Variants in EDARADD observed in about 807,000 individuals in gnomAD.
EDARADD encodes ectodysplasin-A receptor-associated adapter protein.
A neutral mutation model predicts 25.6 loss-of-function variants in EDARADD; 20 were observed. The ratio of observed to expected loss-of-function variants is 0.78; its 90% CI spans 0.55 to 1.14. The LOEUF (loss-of-function observed/expected upper bound fraction) is 1.14, where lower values mean the gene tolerates loss of function less well. EDARADD is among the 50% of genes most tolerant of loss of function. EDARADD has a pLI of 0.00. For missense variants in EDARADD, 225 were observed against 270.1 expected (o/e 0.83, Z 1.17); for synonymous variants, 86 against 94.4 (o/e 0.91, Z 0.52).
Position 236,414,985 on chromosome 1 carries a change from T to C in EDARADD, c.160+686T>C, listed in dbSNP as rs368339004. 9.2e-5 allele frequency among the ~76,000 whole-genome samples: 14 copies of C among 152,286 alleles called. No individual in the cohort carries two copies. The East Asian group carries it at 1.9e-3, about 21-fold the overall frequency. ...CATCTCATGGCTCTGTCTTCTTCCA[T>C]GTTGGCTCCATTCTTGGGCAGGATT... On this transcript the variant is annotated intron_variant, in intron 3 of 5. Transcript: ENST00000334232.
intron 3 of EDARADD, 96 bp downstream of exon 3, chr1:236,414,395 A>G (rs552212415): frequency 1.7e-4 from 161 of 966,866 alleles, no homozygotes; most frequent in Non-Finnish European, 2.6e-4. Flanking sequence ...TAAAATTGTA[A>G]AGTAGAAACA....
chr1:236,366,601 C>T (rs1156762751), intron 3 of EDARADD, among the ~76,000 whole-genome samples: 2 of 152,204 alleles, frequency 1.3e-5, no homozygotes, highest in Non-Finnish European at 2.9e-5. Context: ...TGAACACTAA[C>T]TGCTTCGGTC....
chr1:236,417,805 TTACACTTAAA>T (rs1035982109), intron 3 of EDARADD, among the ~76,000 whole-genome samples: 3 of 152,058 alleles, frequency 2.0e-5, no homozygotes, highest in African/African-American at 4.8e-5. Context: ...TGGAAGAAAA[TTACACTTAAA>T]TACACGAATC....
intron 5 of EDARADD, among the ~76,000 whole-genome samples, chr1:236,475,652 T>C (rs1659481459): frequency 6.6e-6 from 1 of 151,586 alleles, no homozygotes; most frequent in Admixed American, 6.6e-5. Context: ...TAATCTCAGC[T>C]ACTCGGGAGG....
chr1:236,357,941 C>T (rs973959101), intron 3 of EDARADD, among the ~76,000 whole-genome samples: 4 of 151,714 alleles, frequency 2.6e-5, no homozygotes, highest in African/African-American at 7.3e-5. Flanking sequence ...GGCATGACCT[C>T]GGCTCACTGC....
intron 4 of EDARADD, among the ~76,000 whole-genome samples, chr1:236,445,121 G>C (rs1478188540): frequency 1.3e-5 from 2 of 150,914 alleles, no homozygotes; most frequent in Non-Finnish European, 2.9e-5. Context: ...GACTGTTTCA[G>C]ATTTTCTACA....
chr1:236,405,775 TTCTTTCTTTCTTTCTTTTCTTTTTC>T (rs1247509202), intron 1 of EDARADD, among the ~76,000 whole-genome samples: 4 of 56,730 alleles, frequency 7.1e-5, no homozygotes, highest in South Asian at 6.2e-4. Flanking sequence ...CTTTCTTTCT[TTCTTTCTTTCTTTCTTTTCTTTTTC>T]TTTCTTTCTT....
At chr1:236,360,566 G>T (rs542855108) in intron 3 of EDARADD, among the ~76,000 whole-genome samples, 48 of 119,608 alleles carry the variant, frequency 4.0e-4, no homozygotes, top group Non-Finnish European at 5.9e-4. Context: ...TTTTTTTTGA[G>T]ACAGAGTCTT....
At chr1:236,461,244 A>G (rs1410168083) in intron 4 of EDARADD, among the ~76,000 whole-genome samples, 1 of 152,246 alleles carries the variant, frequency 6.6e-6, no homozygotes, top group Non-Finnish European at 1.5e-5. Context: ...CAGAGAGATC[A>G]AACTTTAGCA....
chr1:236,446,876 G>A (rs1426148381), intron 4 of EDARADD, among the ~76,000 whole-genome samples: 2 of 152,178 alleles, frequency 1.3e-5, no homozygotes, highest in Non-Finnish European at 2.9e-5. Context: ...AAGTGTGCAC[G>A]CACTGTAACG....
chr1:236,367,557 G>A (rs1444813410), intron 3 of EDARADD, among the ~76,000 whole-genome samples: 1 of 152,066 alleles, frequency 6.6e-6, no homozygotes, highest in East Asian at 1.9e-4. Context: ...TAGAGACGAG[G>A]TCTCACTATG....
chr1:236,379,492 G>A (rs755065609), intron 3 of EDARADD, among the ~76,000 whole-genome samples: 9 of 151,550 alleles, frequency 5.9e-5, no homozygotes, highest in Non-Finnish European at 1.0e-4. Context: ...AAAATTCAGG[G>A]TCAGGGCCAG....
intron 4 of EDARADD, among the ~76,000 whole-genome samples, chr1:236,456,428 A>G (rs1376178080): frequency 6.6e-6 from 1 of 152,204 alleles, no homozygotes; most frequent in Non-Finnish European, 1.5e-5. Flanking sequence ...GGTGCCTTAA[A>G]AGCCATAGAA....
At chr1:236,477,054 CA>C (rs61477663) in intron 5 of EDARADD, among the ~76,000 whole-genome samples, 360 of 113,658 alleles carry the variant, frequency 3.2e-3, no homozygotes, top group South Asian at 4.9e-3. Context: ...TGCCCATAAG[CA>C]AAAAAAAAAA....
intron 5 of EDARADD, among the ~76,000 whole-genome samples, chr1:236,473,934 A>G (rs1356512880): frequency 1.3e-5 from 2 of 152,038 alleles, no homozygotes; most frequent in Non-Finnish European, 2.9e-5. Flanking sequence ...ATACCTGAAT[A>G]ATCAAAACCT....
At chr1:236,414,407 G>A in intron 3 of EDARADD, 108 bp downstream of exon 3, 2 of 872,714 alleles carry the variant, frequency 2.3e-6, no homozygotes, top group Non-Finnish European at 3.7e-6. Context: ...GTAGAAACAT[G>A]CCCATAGATT....
intron 4 of EDARADD, among the ~76,000 whole-genome samples, chr1:236,467,671 G>A (rs191947272): frequency 2.2e-4 from 33 of 151,978 alleles, no homozygotes; most frequent in African/African-American, 7.0e-4. Context: ...CAGACAACAA[G>A]CCCTGACAGA....
rs1276775620 is a variant in EDARADD, at chr1:236,363,000, AAAAAAAATATATATAT to A, written c.-6+12163_-6+12178del. Among the ~76,000 whole-genome samples the A allele has an allele frequency of 2.4e-4, 14 of 57,294 alleles. 1 individual carries two copies. The East Asian group carries it at 8.2e-3, about 34-fold the overall frequency. 37.6% of individuals were successfully genotyped at this position (57,294 alleles called of 152,430 possible). On this transcript the variant is annotated intron_variant, in intron 3 of 7. Coordinates refer to the EDARADD transcript ENST00000439430. ...TTCTTTTTTTAAGAAAAAAAAAAAA[AAAAAAAATATATATAT>A]ATATATATATATATATAAAATTTGT... is the stretch of plus-strand genomic sequence containing the variant.
chr1:236,407,883 G>A (rs955318222), intron 1 of EDARADD, among the ~76,000 whole-genome samples: 8 of 152,100 alleles, frequency 5.3e-5, no homozygotes, highest in African/African-American at 1.9e-4. Flanking sequence ...AAGTGATAAA[G>A]TATCAGAAAC....
Sources: allele counts gnomAD v4.1 joint callset (sites outside exome capture counted in the v4.1 genomes callset), GRCh38; gene constraint gnomAD v4.1.1; transcripts MANE v1.5; gene names NCBI Gene and HGNC (gene_info 2026-07-23, HGNC 2026-07-21).